The following SHB variants were observed in gnomAD, a reference collection of about 807,000 sequenced individuals.
The protein encoded by SHB is SH2 domain-containing adapter protein B.
In SHB, 20 loss-of-function variants were observed where a neutral mutation model predicts 52.3. The observed-to-expected ratio is 0.38, with a 90% CI of 0.27 to 0.56. The LOEUF (loss-of-function observed/expected upper bound fraction) is 0.56, where lower values mean the gene tolerates loss of function less well. SHB is among the 20% of genes least tolerant of loss of function. The pLI, the probability that SHB is intolerant of heterozygous loss-of-function variation, is 0.71. For synonymous variants in SHB, 397 were observed against 316.5 expected (o/e 1.25, Z -2.70); for missense variants, 825 against 723.3 (o/e 1.14, Z -1.61).
intron 1 of SHB, among the ~76,000 whole-genome samples, chr9:38,056,267 T>G (rs1821814606): frequency 6.6e-6 from 1 of 151,956 alleles, no homozygotes; most frequent in Non-Finnish European, 1.5e-5. Context: ...TCTAGGGGGA[T>G]GGAAATTTTA....
At chr9:38,050,078 A>G (rs760443815) in intron 1 of SHB, among the ~76,000 whole-genome samples, 20 of 152,226 alleles carry the variant, frequency 1.3e-4, no homozygotes, top group Non-Finnish European at 2.9e-4. Context: ...GGCGTAAGCC[A>G]CTGCGCCCAG....
chr9:37,962,649 G>A (rs1348474544), intron 3 of SHB, among the ~76,000 whole-genome samples: 1 of 151,906 alleles, frequency 6.6e-6, no homozygotes, highest in Non-Finnish European at 1.5e-5. Context: ...AGGGACTACA[G>A]GTGCATGCTA....
chr9:38,019,366 C>G (rs1821255974), intron 1 of SHB, among the ~76,000 whole-genome samples: 1 of 152,258 alleles, frequency 6.6e-6, no homozygotes, highest in African/African-American at 2.4e-5. Context: ...AGGGCGTTGT[C>G]AGTCACCTAG....
At chr9:37,937,209 G>A (rs1485688685) in intron 5 of SHB, among the ~76,000 whole-genome samples, 2 of 152,178 alleles carry the variant, frequency 1.3e-5, no homozygotes, top group East Asian at 1.9e-4. Context: ...CCCAGGGCAC[G>A]ATAAGAGCTC....
intron 2 of SHB, among the ~76,000 whole-genome samples, chr9:37,997,263 C>T (rs947245134): frequency 6.6e-6 from 1 of 152,192 alleles, no homozygotes; most frequent in Non-Finnish European, 1.5e-5. Context: ...TGACACCCAC[C>T]TCTGAGTTAA....
intron 1 of SHB, among the ~76,000 whole-genome samples, chr9:38,027,647 C>T (rs943936): frequency 0.79 from 118,657 of 149,422 alleles, 47,215 homozygotes; most frequent in Non-Finnish European, 0.82. Flanking sequence ...CATGATCTGA[C>T]AGAGGAAACT....
rs114711345 is a variant in SHB at position 38,018,404 on chromosome 9, G to A, written c.718-2273C>T. Among the ~76,000 whole-genome samples the A allele has an allele frequency of 7.5e-3, 1,133 of 151,612 alleles. 11 individuals are homozygous for A. The highest frequency in any genetic ancestry group is 0.025 in the African/African-American group (1,044 of 41,316). On this transcript the variant is annotated intron_variant, in intron 1 of 5. Coordinates refer to ENST00000377707, the MANE Select transcript of SHB (RefSeq NM_003028.3). Reference sequence around the variant, plus strand: ...GCGGCTGCCTGCTCCACTTACTTCCGTTTCAGTAAGAATGTACAAATCCTA... The same window carrying A: ...GCGGCTGCCTGCTCCACTTACTTCCATTTCAGTAAGAATGTACAAATCCTA...
chr9:37,954,733 C>A (rs1832608015), intron 4 of SHB, among the ~76,000 whole-genome samples: 1 of 152,208 alleles, frequency 6.6e-6, no homozygotes, highest in South Asian at 2.1e-4. Flanking sequence ...CGGTTAGAAA[C>A]TGAAAACATA....
intron 1 of SHB, among the ~76,000 whole-genome samples, chr9:38,060,015 T>C (rs1821872416): frequency 6.6e-6 from 1 of 152,194 alleles, no homozygotes; most frequent in Non-Finnish European, 1.5e-5. Flanking sequence ...GGGGACATTT[T>C]ACAAAGAGTA....
intron 2 of SHB, among the ~76,000 whole-genome samples, chr9:38,014,470 T>C (rs1266751219): frequency 6.6e-6 from 1 of 152,224 alleles, no homozygotes; most frequent in Non-Finnish European, 1.5e-5. Context: ...ATCACATCTG[T>C]GGTGAGGACT....
chr9:37,942,815 T>G (rs1832449464), intron 5 of SHB, among the ~76,000 whole-genome samples: 1 of 152,108 alleles, frequency 6.6e-6, no homozygotes. Context: ...CCACGTGCTG[T>G]TCGCCTTCTG....
Position 37,916,340 on chromosome 9 carries a change from C to T in SHB, c.*3481G>A, listed in dbSNP as rs1832098145. Among the ~76,000 whole-genome samples the T allele has an allele frequency of 6.6e-6, 1 of 152,188 alleles. No individual in the cohort carries two copies. Among genetic ancestry groups the T allele is most frequent in the Non-Finnish European group, 1.5e-5 (1 of 68,034 alleles). ...GCTCTGCTGGCAGGGCTTCTACCTGCACAGTCCCTAGGGCTGCAAGAGCAA... is the reference window on the plus strand; with the variant it reads ...GCTCTGCTGGCAGGGCTTCTACCTGTACAGTCCCTAGGGCTGCAAGAGCAA... On this transcript the variant is annotated 3_prime_UTR_variant, in exon 6 of 6. Coordinates refer to ENST00000377707, the MANE Select transcript of SHB (RefSeq NM_003028.3).
In SHB at chr9:37,959,669, G is replaced by A. The variant is rs544312545; in HGVS notation, c.1055-3615C>T. On this transcript the variant is annotated intron_variant, in intron 3 of 5. Coordinates refer to ENST00000377707, the MANE Select transcript of SHB (RefSeq NM_003028.3). ...ATTGTGGAGGGAGCCCAAGCTTTTC[G>A]GCACAACCCAAAAGGCTCTCTAGGA... is the stretch of plus-strand genomic sequence containing the variant. Among the ~76,000 whole-genome samples, 9 of 152,212 alleles carry A rather than the reference G, an allele frequency of 5.9e-5. No homozygotes were observed. In the East Asian group the frequency reaches 1.2e-3, roughly 20 times the overall value.
chr9:37,955,878 C>CT lies in SHB; in HGVS notation c.1226+4dup. The CT allele has an allele frequency of 6.2e-7, 1 of 1,612,818 alleles. No individual in the cohort carries two copies. Among genetic ancestry groups the CT allele is most frequent in the African/African-American group, 1.3e-5 (1 of 75,006 alleles). On this transcript the variant is annotated splice_donor_region_variant and intron_variant, in intron 4 of 5. Transcript: ENST00000377707. ...TGAGGTTGGGCTTTGCTCCCAAGAA[C>CT]TTACATTTGCTTCTCCAGGGGGACG...
intron 1 of SHB, among the ~76,000 whole-genome samples, chr9:38,020,831 C>G (rs1821273347): frequency 6.6e-6 from 1 of 152,184 alleles, no homozygotes; most frequent in African/African-American, 2.4e-5. Context: ...GGGGGGGTGG[C>G]CCAACAGGGA....
chr9:37,985,443 T>G (rs1003302241), intron 2 of SHB, among the ~76,000 whole-genome samples: 2 of 152,262 alleles, frequency 1.3e-5, no homozygotes, highest in Admixed American at 6.5e-5. Flanking sequence ...CAGTGTCCAT[T>G]AGCCCTACCA....
In SHB at chr9:37,919,051, G is replaced by A. The variant is rs976722978; in HGVS notation, c.*770C>T. The stretch of plus-strand genomic sequence containing the variant: ...GCCTGCCACAGCAGCAAGCCCAGAG[G>A]AGACACGCCTTGCTCTGGGAGTGAA... On this transcript the variant is annotated 3_prime_UTR_variant, in exon 6 of 6. Transcript: ENST00000377707. 1 of 152,620 alleles carries A rather than the reference G, an allele frequency of 6.6e-6. No homozygotes were observed. The highest frequency in any genetic ancestry group is 1.5e-5 in the Non-Finnish European group (1 of 68,054). 9.5% of individuals were successfully genotyped at this position (152,620 alleles called of 1,614,324 possible).
intron 1 of SHB, among the ~76,000 whole-genome samples, chr9:38,037,530 C>T (rs942348987): frequency 6.6e-6 from 1 of 152,174 alleles, no homozygotes; most frequent in Non-Finnish European, 1.5e-5. Flanking sequence ...GGTTGAAATC[C>T]ACACTGTGTC....
At chr9:38,030,869 A>G (rs1260855617) in intron 1 of SHB, among the ~76,000 whole-genome samples, 1 of 151,998 alleles carries the variant, frequency 6.6e-6, no homozygotes, top group Non-Finnish European at 1.5e-5. Context: ...TCAGCTCCTC[A>G]ATTTCCCCAT....
Sources: allele counts gnomAD v4.1 joint callset (sites outside exome capture counted in the v4.1 genomes callset), GRCh38; gene constraint gnomAD v4.1.1; transcripts MANE v1.5; gene names NCBI Gene and HGNC (gene_info 2026-07-23, HGNC 2026-07-21).